The following ALMS1 variants were observed in gnomAD, a reference collection of about 807,000 sequenced individuals.
ALMS1 encodes ALMS1 centrosome and basal body associated protein, also known as centrosome-associated protein ALMS1.
ALMS1 carries 271 observed loss-of-function variants against 352.2 expected under a neutral mutation model. That is an observed-to-expected ratio of 0.77 (90% CI 0.70 to 0.85). ALMS1 has a LOEUF of 0.85. ALMS1 is among the 40% of genes least tolerant of loss of function. The pLI is 0.00. For missense variants in ALMS1, 5,445 were observed against 4,870.7 expected (o/e 1.12, Z -3.51); for synonymous variants, 1,865 against 1,761.2 (o/e 1.06, Z -1.48).
intron 7 of ALMS1, among the ~76,000 whole-genome samples, chr2:73,444,516 A>G (rs186923779): frequency 1.8e-4 from 28 of 152,350 alleles, no homozygotes; most frequent in African/African-American, 6.3e-4. Flanking sequence ...ATTGAAAAAG[A>G]ACTTAGTGAT....
chr2:73,585,303 T>C (rs1675285193), intron 16 of ALMS1, among the ~76,000 whole-genome samples: 2 of 152,126 alleles, frequency 1.3e-5, no homozygotes, highest in African/African-American at 4.8e-5. Flanking sequence ...TTATTTTTTA[T>C]TTTTTTATTT....
intron 7 of ALMS1, among the ~76,000 whole-genome samples, chr2:73,435,243 A>G (rs1671583762): frequency 6.6e-6 from 1 of 152,106 alleles, no homozygotes; most frequent in South Asian, 2.1e-4. Flanking sequence ...TTTGCATTTA[A>G]TGTCATTATT....
chr2:73,510,057 T>C (rs185470091), intron 10 of ALMS1, among the ~76,000 whole-genome samples: 1 of 152,340 alleles, frequency 6.6e-6, no homozygotes, highest in Non-Finnish European at 1.5e-5. Context: ...GCTGTGTTTT[T>C]CAGCTCCAGC....
At position 73,404,208 on chromosome 2, in the gene ALMS1, T is replaced by C. The variant is rs533819801; in HGVS notation, c.325-4414T>C. 2.3e-4 allele frequency among the ~76,000 whole-genome samples: 35 copies of C among 152,340 alleles called. No individual in the cohort carries two copies. In the South Asian group the frequency reaches 4.8e-3, roughly 21 times the overall value. On this transcript the variant is annotated intron_variant, in intron 1 of 22. Transcript: ENST00000613296. The stretch of plus-strand genomic sequence containing the variant: ...GCCACTGTGCCTGGCCTATTCATTC[T>C]AACAGTGTCGATTTTAGTCTTTGGG...
At chr2:73,431,082 T>A (rs1437590359) in intron 6 of ALMS1, among the ~76,000 whole-genome samples, 1 of 152,102 alleles carries the variant, frequency 6.6e-6, no homozygotes, top group Non-Finnish European at 1.5e-5. Context: ...GCGTGTTTCC[T>A]GAGTATTGTA....
intron 10 of ALMS1, among the ~76,000 whole-genome samples, chr2:73,492,634 T>C (rs773713345): frequency 2.0e-5 from 3 of 152,176 alleles, no homozygotes; most frequent in Non-Finnish European, 4.4e-5. Context: ...AAGTCCCTTA[T>C]AGCTCTAAAA....
Position 73,386,067 on chromosome 2 carries a change from A to G in ALMS1, c.199A>G (p.Ser67Gly). 1 of 1,594,306 alleles carries G rather than the reference A, an allele frequency of 6.3e-7. No homozygotes were observed. Among genetic ancestry groups the G allele is most frequent in the Non-Finnish European group, 8.5e-7 (1 of 1,170,948 alleles). Residue 67 changes from serine to glycine, a missense_variant, in exon 1 of 23, where the codon AGT becomes GGT. By Grantham distance (56) the Ser-to-Gly change is moderately conservative. Transcript: ENST00000613296. ...TCACTACGGGCCCCAGCATCTGGAA[A>G]GTATAGACGACGAGGAGGACGAGGA... ...DSHYGPQHLE[S>G]IDDEEDEEAK...
At chr2:73,485,533 C>G (rs1672816539) in intron 9 of ALMS1, among the ~76,000 whole-genome samples, 1 of 152,240 alleles carries the variant, frequency 6.6e-6, no homozygotes, top group African/African-American at 2.4e-5. Context: ...TTTTGTTTGT[C>G]TGTGCCCTTC....
At chr2:73,522,514 G>C (rs1170898942) in intron 11 of ALMS1, among the ~76,000 whole-genome samples, 1 of 132,858 alleles carries the variant, frequency 7.5e-6, no homozygotes, top group Non-Finnish European at 1.5e-5. Flanking sequence ...TCTATCTCCA[G>C]GTTGGAGTGC....
intron 13 of ALMS1, among the ~76,000 whole-genome samples, chr2:73,553,498 C>T (rs966444446): frequency 6.6e-6 from 1 of 152,066 alleles, no homozygotes; most frequent in African/African-American, 2.4e-5. Context: ...GTTCTATTTG[C>T]AGCTATGAGG....
chr2:73,587,201 A>G (rs1675331710), intron 16 of ALMS1, among the ~76,000 whole-genome samples: 1 of 152,176 alleles, frequency 6.6e-6, no homozygotes, highest in Non-Finnish European at 1.5e-5. Context: ...TTTTCTAGGT[A>G]TACAGTCATA....
At chr2:73,457,281 G>A (rs886913653) in intron 9 of ALMS1, 2 of 152,002 alleles carry the variant, frequency 1.3e-5, no homozygotes, top group Admixed American at 1.3e-4. Flanking sequence ...GCCCAGGCTG[G>A]ACTGCAGTGG....
chr2:73,458,415 C>T (rs1672118510), intron 9 of ALMS1: 1 of 152,094 alleles, frequency 6.6e-6, no homozygotes, highest in African/African-American at 2.4e-5. Context: ...TATTGAATGC[C>T]TGATATGCGC....
chr2:73,515,513 A>C (rs1357416235), intron 10 of ALMS1, among the ~76,000 whole-genome samples: 1 of 152,106 alleles, frequency 6.6e-6, no homozygotes, highest in African/African-American at 2.4e-5. Context: ...GGGTATTTGC[A>C]TCTAGAGGGA....
chr2:73,465,380 A>G (rs1330323210), intron 9 of ALMS1, among the ~76,000 whole-genome samples: 6 of 152,202 alleles, frequency 3.9e-5, no homozygotes, highest in Non-Finnish European at 2.9e-5. Context: ...AAAAACAAGA[A>G]ATGGGGAAAG....
In ALMS1 at chr2:73,579,063, C is replaced by CTTTTTTTTTTTTTT. The variant is rs372240184; in HGVS notation, c.11547+5646_11547+5647insTTTTTTTTTTTTTT. Reference sequence around the variant, plus strand: ...GAATGTCTTTAATTTCTCCTTTATTCTTTTTTTATTTATTTTTTTTTTTGA... The same window carrying CTTTTTTTTTTTTTT: ...GAATGTCTTTAATTTCTCCTTTATTCTTTTTTTTTTTTTTTTTTTTTATTTATTTTTTTTTTTGA... On this transcript the variant is annotated intron_variant, in intron 16 of 22. Transcript: ENST00000613296. Among the ~76,000 whole-genome samples the CTTTTTTTTTTTTTT allele has an allele frequency of 3.1e-3, 364 of 118,980 alleles. 31 individuals are homozygous for CTTTTTTTTTTTTTT. Among genetic ancestry groups the CTTTTTTTTTTTTTT allele is most frequent in the East Asian group, 7.2e-3 (33 of 4,604 alleles). 78.1% of individuals were successfully genotyped at this position (118,980 alleles called of 152,430 possible). A position where few individuals can be genotyped will look rare whatever the true frequency, so the allele number is the denominator to read the frequency against.
At chr2:73,489,223 A>G (rs758045303) in intron 9 of ALMS1, among the ~76,000 whole-genome samples, 1 of 152,234 alleles carries the variant, frequency 6.6e-6, no homozygotes, top group Non-Finnish European at 1.5e-5. Flanking sequence ...GCCTTCATTC[A>G]TATCCCATTG....
intron 12 of ALMS1, among the ~76,000 whole-genome samples, chr2:73,549,854 C>CGTTT (rs897166895): frequency 9.2e-5 from 14 of 151,674 alleles, no homozygotes; most frequent in South Asian, 4.2e-4. Context: ...TTTGTTTGTT[C>CGTTT]GTTTGTTTGT....
intron 9 of ALMS1, among the ~76,000 whole-genome samples, chr2:73,467,936 G>A (rs1242030799): frequency 2.0e-5 from 3 of 152,000 alleles, no homozygotes; most frequent in African/African-American, 7.2e-5. Flanking sequence ...CAGGTGTGTG[G>A]TATTGACTGG....
Sources: allele counts gnomAD v4.1 joint callset (sites outside exome capture counted in the v4.1 genomes callset), GRCh38; gene constraint gnomAD v4.1.1; transcripts MANE v1.5; gene names NCBI Gene and HGNC (gene_info 2026-07-23, HGNC 2026-07-21).